The following RANBP2 variants were observed in gnomAD, a reference collection of about 807,000 sequenced individuals.
RANBP2 encodes E3 SUMO-protein ligase RanBP2.
Under a neutral mutation model 303.6 loss-of-function variants are expected in RANBP2, and 57 were observed. The observed-to-expected ratio is 0.19, with a 90% CI of 0.15 to 0.23. The LOEUF is 0.23. Among genes scored for constraint, RANBP2 ranks in the 10% least tolerant of loss-of-function variants. The pLI is 1.00. For synonymous variants in RANBP2, 1,167 were observed against 1,301.5 expected (o/e 0.90, Z 2.23); for missense variants, 3,138 against 3,780.8 (o/e 0.83, Z 4.46).
chr2:108,873,492 T>C, the RANBP2 span: 2 of 1,608,704 alleles, frequency 1.2e-6, no homozygotes, highest in Non-Finnish European at 8.5e-7. Context: ...CAACTCTTTA[T>C]TTTTTCGTAC....
the RANBP2 span, among the ~76,000 whole-genome samples, chr2:108,810,531 T>C: frequency 2.0e-4 from 30 of 152,212 alleles, no homozygotes; most frequent in African/African-American, 7.0e-4. Context: ...TATGGTATAT[T>C]ATCTTTTTGG....
the RANBP2 span, among the ~76,000 whole-genome samples, chr2:108,912,170 A>G: frequency 1.3e-5 from 2 of 152,148 alleles, no homozygotes; most frequent in African/African-American, 4.8e-5. Flanking sequence ...GCACTAAACC[A>G]GTGAGAGAGA....
chr2:108,863,027 A>G, the RANBP2 span, among the ~76,000 whole-genome samples: 2 of 152,212 alleles, frequency 1.3e-5, no homozygotes, highest in Non-Finnish European at 1.5e-5. Flanking sequence ...CTACACATCT[A>G]GAACTTACTT....
the RANBP2 span, among the ~76,000 whole-genome samples, chr2:109,145,568 G>A: frequency 1.3e-5 from 2 of 152,184 alleles, no homozygotes; most frequent in Non-Finnish European, 2.9e-5. Flanking sequence ...TAGGCTGTCC[G>A]GGGGGCCTCA....
the RANBP2 span, among the ~76,000 whole-genome samples, chr2:109,009,663 C>T: frequency 6.6e-6 from 1 of 151,240 alleles, no homozygotes; most frequent in Non-Finnish European, 1.5e-5. Context: ...ATAGCCTCCA[C>T]TACAGGCATG....
chr2:109,156,027 A>G, the RANBP2 span, among the ~76,000 whole-genome samples: 1 of 152,126 alleles, frequency 6.6e-6, no homozygotes, highest in African/African-American at 2.4e-5. Flanking sequence ...CACTGGGGTC[A>G]TTTTGCCCCT....
the RANBP2 span, among the ~76,000 whole-genome samples, chr2:109,704,825 T>C: frequency 1.3e-5 from 2 of 152,218 alleles, no homozygotes; most frequent in African/African-American, 2.4e-5. Flanking sequence ...CACTCCAGCC[T>C]GGGTGACAGG....
chr2:109,005,953 G>C, the RANBP2 span, among the ~76,000 whole-genome samples: 10 of 152,142 alleles, frequency 6.6e-5, no homozygotes, highest in African/African-American at 2.2e-4. Flanking sequence ...CATGTGTTCA[G>C]CTGAAAAGAG....
At chr2:109,146,798 C>A in the RANBP2 span, among the ~76,000 whole-genome samples, 2 of 97,972 alleles carry the variant, frequency 2.0e-5, no homozygotes, top group East Asian at 2.8e-4. Flanking sequence ...GTGCCCCCCC[C>A]ATTCCTTCTG....
the RANBP2 span, among the ~76,000 whole-genome samples, chr2:109,104,633 G>A: frequency 1.3e-5 from 2 of 151,978 alleles, no homozygotes; most frequent in African/African-American, 2.4e-5. Flanking sequence ...GCAGGCGCCC[G>A]CCACCATGCC....
the RANBP2 span, among the ~76,000 whole-genome samples, chr2:109,524,873 G>T: frequency 1.6e-4 from 25 of 152,196 alleles, no homozygotes; most frequent in African/African-American, 5.8e-4. Flanking sequence ...GAAGGGAAAA[G>T]AATCAAGAAG....
At chr2:109,461,678 C>T in the RANBP2 span, among the ~76,000 whole-genome samples, 14 of 149,658 alleles carry the variant, frequency 9.4e-5, no homozygotes, top group African/African-American at 3.0e-4. Context: ...AAGACCTGCG[C>T]GGTGATCCAC....
chr2:109,498,248 G>A, the RANBP2 span, among the ~76,000 whole-genome samples: 3 of 152,206 alleles, frequency 2.0e-5, no homozygotes, highest in Admixed American at 6.5e-5. Context: ...TAGATGCTCT[G>A]AGACACTTAG....
At chr2:109,489,394 G>A in the RANBP2 span, among the ~76,000 whole-genome samples, 4 of 152,368 alleles carry the variant, frequency 2.6e-5, no homozygotes, top group Admixed American at 2.6e-4. Context: ...GCTGGGGCCG[G>A]AGCAGTTGTG....
At chr2:109,614,252 A>C in the RANBP2 span, 42 of 700,710 alleles carry the variant, frequency 6.0e-5, no homozygotes, top group Non-Finnish European at 7.7e-5. Flanking sequence ...TGGCCGAGAC[A>C]GCGGGGAGCG....
chr2:109,233,231 C>T, the RANBP2 span, among the ~76,000 whole-genome samples: 3 of 152,100 alleles, frequency 2.0e-5, no homozygotes, highest in Non-Finnish European at 4.4e-5. Context: ...TGTCCAGCAC[C>T]CTGGAAGAAT....
At chr2:109,684,537 G>C in the RANBP2 span, among the ~76,000 whole-genome samples, 3 of 88,904 alleles carry the variant, frequency 3.4e-5, no homozygotes, top group Non-Finnish European at 7.5e-5. Context: ...CTGCACCCGG[G>C]CTTTTTTTTT....
the RANBP2 span, among the ~76,000 whole-genome samples, chr2:109,063,346 G>A: frequency 1.3e-5 from 2 of 152,168 alleles, no homozygotes; most frequent in Admixed American, 1.3e-4. Context: ...CTGTGCCTGG[G>A]TTTTCTTTTC....
chr2:109,084,244 C>G, the RANBP2 span, among the ~76,000 whole-genome samples: 4 of 152,240 alleles, frequency 2.6e-5, no homozygotes, highest in Non-Finnish European at 4.4e-5. Flanking sequence ...ATTTCTCCAA[C>G]TTCAAGTTAA....
Sources: allele counts gnomAD v4.1 joint callset (sites outside exome capture counted in the v4.1 genomes callset), GRCh38; gene constraint gnomAD v4.1.1; transcripts MANE v1.5; gene names NCBI Gene and HGNC (gene_info 2026-07-23, HGNC 2026-07-21).